Variants in AUTS2 observed in about 807,000 individuals in gnomAD.
The protein encoded by AUTS2 is activator of transcription and developmental regulator AUTS2.
In AUTS2, 17 loss-of-function variants were observed where a neutral mutation model predicts 112.4. The ratio of observed to expected loss-of-function variants is 0.15; its 90% CI spans 0.10 to 0.23. The LOEUF is 0.23. Ranked by LOEUF, AUTS2 falls within the 10% of genes least tolerant of loss-of-function variation. The pLI is 1.00. For missense variants in AUTS2, 1,510 were observed against 1,701.6 expected (o/e 0.89, Z 1.98); for synonymous variants, 751 against 702.7 (o/e 1.07, Z -1.09).
chr7:70,556,558 G>A (rs925686588), intron 5 of AUTS2, among the ~76,000 whole-genome samples: 1 of 152,156 alleles, frequency 6.6e-6, no homozygotes, highest in Non-Finnish European at 1.5e-5. Flanking sequence ...GTGGCCTCTT[G>A]TTATGCCTGG....
chr7:70,628,314 CTATATATATATATACATATATATATAGTA>C (rs1379139113), intron 5 of AUTS2, among the ~76,000 whole-genome samples: 1 of 59,602 alleles, frequency 1.7e-5, no homozygotes, highest in Non-Finnish European at 3.1e-5. Context: ...ATTTGCAAAA[CTATATATATATATACATATATATATAGTA>C]TATATATATA....
intron 6 of AUTS2, among the ~76,000 whole-genome samples, chr7:70,751,602 T>C (rs891770111): frequency 3.3e-5 from 5 of 152,146 alleles, no homozygotes; most frequent in South Asian, 2.1e-4. Context: ...TTACTCAGAG[T>C]AGGCGTGCTG....
intron 1 of AUTS2, among the ~76,000 whole-genome samples, chr7:69,705,720 A>G (rs1798037609): frequency 6.6e-6 from 1 of 152,196 alleles, no homozygotes; most frequent in Non-Finnish European, 1.5e-5. Flanking sequence ...CCACTGTAAC[A>G]AAGACCAGGT....
intron 5 of AUTS2, among the ~76,000 whole-genome samples, chr7:70,615,286 C>T (rs1292954699): frequency 1.3e-5 from 2 of 152,022 alleles, no homozygotes; most frequent in Non-Finnish European, 2.9e-5. Flanking sequence ...TGTGTGTGTA[C>T]TTGTTAGAAA....
intron 4 of AUTS2, among the ~76,000 whole-genome samples, chr7:70,358,407 C>T (rs997440167): frequency 6.6e-6 from 1 of 152,226 alleles, no homozygotes; most frequent in Non-Finnish European, 1.5e-5. Flanking sequence ...TTTCCAGCAC[C>T]ATGAGGAGCT....
At chr7:70,331,154 T>G (rs987280777) in intron 4 of AUTS2, among the ~76,000 whole-genome samples, 5 of 152,128 alleles carry the variant, frequency 3.3e-5, no homozygotes, top group Non-Finnish European at 5.9e-5. Context: ...TCTGGTAGAA[T>G]TCAGCTGTGA....
intron 6 of AUTS2, among the ~76,000 whole-genome samples, chr7:70,758,567 G>T (rs1056157011): frequency 6.6e-6 from 1 of 152,204 alleles, no homozygotes; most frequent in Non-Finnish European, 1.5e-5. Flanking sequence ...GAATTTGCAT[G>T]TATTTTAGTA....
chr7:69,894,265 T>TG (rs1216689841), intron 1 of AUTS2, among the ~76,000 whole-genome samples: 8 of 119,152 alleles, frequency 6.7e-5, no homozygotes, highest in Non-Finnish European at 1.5e-4. Flanking sequence ...TTTTTTTTTT[T>TG]TTTTTTTTTT....
intron 4 of AUTS2, among the ~76,000 whole-genome samples, chr7:70,410,184 T>C (rs2130433383): frequency 6.6e-6 from 1 of 152,272 alleles, no homozygotes; most frequent in East Asian, 1.9e-4. Context: ...AGCAACAGTG[T>C]AGTGGTTGGT....
At chr7:70,497,306 C>T (rs1798595153) in intron 5 of AUTS2, among the ~76,000 whole-genome samples, 3 of 151,698 alleles carry the variant, frequency 2.0e-5, no homozygotes, top group South Asian at 2.1e-4. Flanking sequence ...ACATCAGCGT[C>T]GATCACACAC....
At chr7:70,051,203 A>T (rs1423471472) in intron 2 of AUTS2, among the ~76,000 whole-genome samples, 4 of 152,188 alleles carry the variant, frequency 2.6e-5, no homozygotes, top group African/African-American at 9.7e-5. Context: ...GAAACAGGAT[A>T]GGCAAAGGTG....
Position 70,027,846 on chromosome 7 carries a change from G to A in AUTS2, c.523-90286G>A, listed in dbSNP as rs114771685. On this transcript the variant is annotated intron_variant, in intron 2 of 18. Transcript: ENST00000342771. The stretch of plus-strand genomic sequence containing the variant: ...TTGTGTTCTCTTCTGGCTTGTTTAA[G>A]TACAAGGAACTCAGACCCACTCTAA... Among the ~76,000 whole-genome samples, 1,163 of 151,930 alleles carry A rather than the reference G, an allele frequency of 7.7e-3. 16 individuals carry two copies. Among genetic ancestry groups the A allele is most frequent in the African/African-American group, 0.027 (1,104 of 41,408 alleles).
chr7:70,487,820 G>A (rs1798073792), intron 5 of AUTS2, among the ~76,000 whole-genome samples: 1 of 152,166 alleles, frequency 6.6e-6, no homozygotes, highest in East Asian at 1.9e-4. Flanking sequence ...AAAACTAATG[G>A]CAGTAAAAAT....
At chr7:70,155,988 T>C (rs1433868962) in intron 4 of AUTS2, among the ~76,000 whole-genome samples, 1 of 152,142 alleles carries the variant, frequency 6.6e-6, no homozygotes, top group Non-Finnish European at 1.5e-5. Context: ...TTGTTTTGTT[T>C]TGTTTTTTTC....
At chr7:69,884,879 G>A (rs567719774) in intron 1 of AUTS2, among the ~76,000 whole-genome samples, 2 of 152,324 alleles carry the variant, frequency 1.3e-5, no homozygotes, top group South Asian at 4.1e-4. Flanking sequence ...ATAGCTTGAG[G>A]AGTTTATTTG....
intron 4 of AUTS2, among the ~76,000 whole-genome samples, chr7:70,289,442 A>G (rs1788610850): frequency 6.6e-6 from 1 of 152,318 alleles, no homozygotes; most frequent in African/African-American, 2.4e-5. Context: ...TCTGTGTGGA[A>G]GGTACTGAGG....
In AUTS2 at chr7:70,092,150, A is replaced by C. The variant is rs565895033; in HGVS notation, c.523-25982A>C. On this transcript the variant is annotated intron_variant, in intron 2 of 18. Transcript: ENST00000342771. ...TTAAAAAACATAATCTCACCAGTAC[A>C]TTTTTATTCCTTCCTTTTTAATAAA... Among the ~76,000 whole-genome samples, 10 of 152,204 alleles carry C rather than the reference A, an allele frequency of 6.6e-5. No homozygotes were observed. In the East Asian group the frequency reaches 1.6e-3, roughly 24 times the overall value.
chr7:69,883,002 T>C (rs994058838), intron 1 of AUTS2, among the ~76,000 whole-genome samples: 1 of 152,210 alleles, frequency 6.6e-6, no homozygotes, highest in African/African-American at 2.4e-5. Context: ...CCAAGCACTT[T>C]CCACAAATTT....
chr7:70,074,492 C>T (rs1037634893), intron 2 of AUTS2, among the ~76,000 whole-genome samples: 1 of 152,062 alleles, frequency 6.6e-6, no homozygotes, highest in Non-Finnish European at 1.5e-5. Context: ...TTATTTTGGA[C>T]CATTTCTTTC....
Sources: allele counts gnomAD v4.1 joint callset (sites outside exome capture counted in the v4.1 genomes callset), GRCh38; gene constraint gnomAD v4.1.1; transcripts MANE v1.5; gene names NCBI Gene and HGNC (gene_info 2026-07-23, HGNC 2026-07-21).